The following RFTN2 variants were observed in gnomAD, a reference collection of about 807,000 sequenced individuals.
RFTN2 encodes raftlin family member 2.
In RFTN2, 34 loss-of-function variants were observed where a neutral mutation model predicts 52.7. The observed-to-expected ratio is 0.64, with a 90% confidence interval of 0.49 to 0.86. The LOEUF (loss-of-function observed/expected upper bound fraction) is 0.86, where lower values mean the gene tolerates loss of function less well. RFTN2 is among the 40% of genes least tolerant of loss of function. The pLI, the probability that RFTN2 is intolerant of heterozygous loss-of-function variation, is 0.00. For missense variants in RFTN2, 536 were observed against 600.1 expected (o/e 0.89, Z 1.12); for synonymous variants, 203 against 217.7 (o/e 0.93, Z 0.59).
At chr2:197,606,182 T>C (rs1318504849) in intron 7 of RFTN2, among the ~76,000 whole-genome samples, 1 of 152,144 alleles carries the variant, frequency 6.6e-6, no homozygotes, top group Admixed American at 6.5e-5. Context: ...TGGGGACATA[T>C]CACTCCCGTT....
At chr2:197,587,071 C>A (rs2087611362) in intron 8 of RFTN2, among the ~76,000 whole-genome samples, 1 of 152,120 alleles carries the variant, frequency 6.6e-6, no homozygotes, top group Non-Finnish European at 1.5e-5. Context: ...GACCTTGTAT[C>A]TTCCGTTTAG....
At chr2:197,575,794 A>ATATATATTTTACATACATAATATATATTC (rs2087402400) in intron 8 of RFTN2, among the ~76,000 whole-genome samples, 3 of 131,212 alleles carry the variant, frequency 2.3e-5, no homozygotes, top group African/African-American at 9.1e-5. Flanking sequence ...ATAATATATT[A>ATATATATTTTACATACATAATATATATTC]TATATATTTT....
At chr2:197,651,534 G>A (rs1320233026) in intron 1 of RFTN2, among the ~76,000 whole-genome samples, 11 of 152,198 alleles carry the variant, frequency 7.2e-5, no homozygotes, top group South Asian at 6.2e-4. Context: ...CAGGAGAATC[G>A]CTTGAACCCG....
At chr2:197,591,185 A>G (rs2087707051) in intron 8 of RFTN2, among the ~76,000 whole-genome samples, 1 of 152,184 alleles carries the variant, frequency 6.6e-6, no homozygotes, top group Admixed American at 6.6e-5. Flanking sequence ...GTGCATTTAC[A>G]AACCCTGAGC....
chr2:197,675,443 T>A lies in RFTN2; in HGVS notation c.16A>T (p.Arg6Ter), dbSNP rs368372144. The A allele has an allele frequency of 1.9e-6, 3 of 1,595,470 alleles. No homozygotes were observed. Among genetic ancestry groups the A allele is most frequent in the African/African-American group, 2.7e-5 (2 of 73,796 alleles). The change falls in exon 1 of 9, where the codon AGA (arginine) becomes TGA (stop). Residue 6 changes from arginine to a stop codon, truncating the protein, a stop_gained. Transcript: ENST00000295049. LOFTEE classifies it high-confidence loss of function. The part of the protein sequence containing the change: MGCGL[R>*]KLEDPDDSSP... The stretch of plus-strand genomic sequence containing the variant: ...CTATCATCAGGGTCTTCTAGCTTTC[T>A]AAGTCCGCACCCCATGGCAAAATCT...
chr2:197,573,913 G>T (rs1350105175), intron 8 of RFTN2, among the ~76,000 whole-genome samples: 1 of 152,224 alleles, frequency 6.6e-6, no homozygotes, highest in Admixed American at 6.5e-5. Context: ...TTGGGCCTGT[G>T]GGTACACAGA....
chr2:197,656,833 A>G (rs1005808843), intron 1 of RFTN2, among the ~76,000 whole-genome samples: 23 of 152,246 alleles, frequency 1.5e-4, no homozygotes, highest in Admixed American at 1.3e-3. Flanking sequence ...AAACTGATCT[A>G]CTACATAGAG....
chr2:197,614,599 G>T (rs2088112490), intron 7 of RFTN2, among the ~76,000 whole-genome samples: 1 of 152,248 alleles, frequency 6.6e-6, no homozygotes, highest in Admixed American at 6.5e-5. Flanking sequence ...GGAGTCACAG[G>T]CACCCACCCC....
At chr2:197,595,215 T>C (rs2087777077) in intron 8 of RFTN2, among the ~76,000 whole-genome samples, 2 of 152,188 alleles carry the variant, frequency 1.3e-5, no homozygotes, top group African/African-American at 2.4e-5. Context: ...CAAAGGTCAA[T>C]ATAGCCAAGG....
chr2:197,601,615 G>A (rs1343740224), intron 7 of RFTN2, among the ~76,000 whole-genome samples: 1 of 151,946 alleles, frequency 6.6e-6, no homozygotes, highest in African/African-American at 2.4e-5. Flanking sequence ...CTGAAGCCCT[G>A]ACTACAGGAA....
chr2:197,616,268 C>CATTTTATTTATTTTATTTTTTTTATTTT (rs372876451), intron 6 of RFTN2, among the ~76,000 whole-genome samples: 415 of 60,806 alleles, frequency 6.8e-3, no homozygotes, highest in Middle Eastern at 0.031. Context: ...TGGGAATCTG[C>CATTTTATTTATTTTATTTTTTTTATTTT]ATTTTATTTT....
chr2:197,582,028 T>G (rs1466959835), intron 8 of RFTN2, among the ~76,000 whole-genome samples: 3 of 152,244 alleles, frequency 2.0e-5, no homozygotes, highest in African/African-American at 7.2e-5. Flanking sequence ...TGCAGGGCTG[T>G]GCAGTTGGAA....
chr2:197,646,656 G>A lies in RFTN2; in HGVS notation c.150C>T (p.Asn50=). ...TTGAATTTATCTTGATGACTTCTGGGTTTGATGAAGCTGAAATATCAAAAG... is the reference window on the plus strand; with the variant it reads ...TTGAATTTATCTTGATGACTTCTGGATTTGATGAAGCTGAAATATCAAAAG... ...LLDFTLQASS[N]PEVIKINSIL... Residue 50 remains asparagine, a synonymous_variant, in exon 2 of 9, where the codon AAC becomes AAT. Coordinates refer to ENST00000295049, the MANE Select transcript of RFTN2 (RefSeq NM_144629.3). The A allele has an allele frequency of 1.2e-6, 2 of 1,609,826 alleles. No individual in the cohort carries two copies. Among genetic ancestry groups the A allele is most frequent in the Non-Finnish European group, 1.7e-6 (2 of 1,177,290 alleles).
chr2:197,586,558 G>T (rs1480234453), intron 8 of RFTN2, among the ~76,000 whole-genome samples: 3 of 152,132 alleles, frequency 2.0e-5, no homozygotes, highest in Non-Finnish European at 2.9e-5. Context: ...TTTGCAAATG[G>T]GACGGAAGAG....
chr2:197,625,862 G>A (rs1450696346), intron 5 of RFTN2, among the ~76,000 whole-genome samples: 1 of 151,230 alleles, frequency 6.6e-6, no homozygotes, highest in Non-Finnish European at 1.5e-5. Flanking sequence ...TGTGATCTCG[G>A]CTCACTGCAA....
chr2:197,637,652 G>T (rs201593077), intron 3 of RFTN2, among the ~76,000 whole-genome samples: 73,574 of 150,956 alleles, frequency 0.49, 18,422 homozygotes, highest in Middle Eastern at 0.57. Flanking sequence ...AGTCTTGCTA[G>T]CGGTCTATCA....
At chr2:197,578,708 G>A (rs1285758263) in intron 8 of RFTN2, among the ~76,000 whole-genome samples, 1 of 152,180 alleles carries the variant, frequency 6.6e-6, no homozygotes, top group East Asian at 1.9e-4. Context: ...CCTGCACCCA[G>A]GTGATTAAAA....
At chr2:197,653,207 G>A (rs1219707486) in intron 1 of RFTN2, among the ~76,000 whole-genome samples, 2 of 152,188 alleles carry the variant, frequency 1.3e-5, no homozygotes, top group Non-Finnish European at 2.9e-5. Context: ...GCAGACAGAT[G>A]TTCAATTAAT....
chr2:197,659,045 T>C (rs1267521139), intron 1 of RFTN2, among the ~76,000 whole-genome samples: 1 of 152,196 alleles, frequency 6.6e-6, no homozygotes, highest in Non-Finnish European at 1.5e-5. Context: ...GAAAAAGTCA[T>C]ATACTATGAC....
Sources: gnomAD v4.1 joint callset for allele counts (sites outside exome capture counted in the v4.1 genomes callset) on GRCh38, gnomAD v4.1.1 for gene constraint, MANE v1.5 for transcripts, NCBI Gene and HGNC (gene_info 2026-07-23, HGNC 2026-07-21) for gene names.